Variants in LSM14A observed in about 807,000 individuals in gnomAD.
LSM14A encodes the protein LSM14A mRNA processing body assembly factor.
Under a neutral mutation model 52.4 loss-of-function variants are expected in LSM14A, and 14 were observed. The ratio of observed to expected loss-of-function variants is 0.27; its 90% CI spans 0.18 to 0.42. The LOEUF is 0.42. LSM14A is among the 10% of genes least tolerant of loss of function. The pLI is 1.00. For missense variants in LSM14A, 417 were observed against 581.8 expected (o/e 0.72, Z 2.91); for synonymous variants, 185 against 200.3 (o/e 0.92, Z 0.64).
intron 4 of LSM14A, among the ~76,000 whole-genome samples, chr19:34,209,534 T>A: frequency 6.6e-6 from 1 of 152,216 alleles, no homozygotes; most frequent in East Asian, 1.9e-4. Context: ...CTGAGACTTA[T>A]ACATCAGAAT....
chr19:34,219,742 G>T lies in LSM14A; in HGVS notation c.1001G>T (p.Gly334Val), dbSNP rs1302778126. Residue 334 changes from glycine to valine, a missense_variant, in exon 8 of 10, where the codon GGT (glycine) becomes GTT (valine). By Grantham distance (109) the Gly-to-Val change is moderately radical (BLOSUM62 -3). Coordinates refer to ENST00000544216, the MANE Select transcript of LSM14A (RefSeq NM_015578.4). The part of the protein sequence containing the change: ...KLEKQEKPVN[G>V]EDKGDSGVDT... Reference sequence around the variant, plus strand: ...GAGAAACAGGAGAAGCCTGTAAATGGTGAAGATAAAGGAGACTCAGGAGTT... The same window carrying T: ...GAGAAACAGGAGAAGCCTGTAAATGTTGAAGATAAAGGAGACTCAGGAGTT... The T allele has an allele frequency of 1.2e-6, 2 of 1,613,420 alleles. No individual in the cohort carries two copies.
At chr19:34,208,802 A>T (rs1324674995) in intron 3 of LSM14A, 127 bp from the exon 4 acceptor site, 1 of 667,718 alleles carries the variant, frequency 1.5e-6, no homozygotes. Flanking sequence ...CAAGATTATT[A>T]ATTTGTACAG....
intron 6 of LSM14A, 63 bp from the exon 7 acceptor site, chr19:34,219,328 C>A: frequency 1.8e-6 from 2 of 1,116,674 alleles, no homozygotes; most frequent in Non-Finnish European, 2.6e-6. Context: ...ACAATAGCAA[C>A]ATCTGTGCTA....
At chr19:34,189,601 T>C (rs573297507) in intron 1 of LSM14A, among the ~76,000 whole-genome samples, 3 of 152,314 alleles carry the variant, frequency 2.0e-5, no homozygotes, top group Admixed American at 6.5e-5. Context: ...ACAATGTTCT[T>C]TCTCAAAGTA....
At chr19:34,226,398 T>TTTA (rs2073347401) in intron 9 of LSM14A, 4 of 1,383,588 alleles carry the variant, frequency 2.9e-6, no homozygotes, top group South Asian at 1.6e-5. Flanking sequence ...TTTTTTTTTT[T>TTTA]ACCTTTCAGA....
Position 34,219,848 on chromosome 19 carries a change from C to T in LSM14A, c.1107C>T (p.Phe369=). The T allele has an allele frequency of 6.2e-7, 1 of 1,611,574 alleles. No individual in the cohort carries two copies. Among genetic ancestry groups the T allele is most frequent in the Non-Finnish European group, 8.5e-7 (1 of 1,178,292 alleles). The stretch of plus-strand genomic sequence containing the variant: ...GCTATTATGACAAAACTAAATCCTT[C>T]TTTGATAATATTTCTTGTGATGACA... ...PNCYYDKTKS[F]FDNISCDDNR... Residue 369 remains phenylalanine (F), a synonymous_variant, in exon 8 of 10, where the codon TTC becomes TTT. Coordinates refer to ENST00000544216, the MANE Select transcript of LSM14A (RefSeq NM_015578.4).
At chr19:34,172,820 C>T (rs1016759393) in intron 1 of LSM14A, 57 bp downstream of exon 1, 3 of 1,496,746 alleles carry the variant, frequency 2.0e-6, no homozygotes, top group African/African-American at 2.9e-5. Context: ...CGGGGCTGCT[C>T]CCCGCTCCGG....
rs189104748 is a variant in LSM14A, at chr19:34,206,934, C to T, written c.416-1995C>T. Among the ~76,000 whole-genome samples, 8 of 152,230 alleles carry T rather than the reference C, an allele frequency of 5.3e-5. No homozygotes were observed. The East Asian group carries it at 1.5e-3, about 29-fold the overall frequency. On this transcript the variant is annotated intron_variant, in intron 3 of 9. Coordinates refer to ENST00000544216, the MANE Select transcript of LSM14A (RefSeq NM_015578.4). Reference sequence around the variant, plus strand: ...TTTGAAAATCAGTTGTAACTTACCACGTTAACAGACCAGGAATAAAGAATA... The same window carrying T: ...TTTGAAAATCAGTTGTAACTTACCATGTTAACAGACCAGGAATAAAGAATA...
intron 1 of LSM14A, among the ~76,000 whole-genome samples, chr19:34,178,535 A>G (rs2069241960): frequency 6.6e-6 from 1 of 152,188 alleles, no homozygotes; most frequent in African/African-American, 2.4e-5. Context: ...CTCAGCACTG[A>G]TCATGACTTA....
At chr19:34,190,138 A>G (rs1470831281) in intron 1 of LSM14A, among the ~76,000 whole-genome samples, 2 of 152,018 alleles carry the variant, frequency 1.3e-5, no homozygotes, top group Non-Finnish European at 2.9e-5. Flanking sequence ...TCTACTGTTA[A>G]TGTTCAAGTT....
chr19:34,212,937 A>G (rs1165269542), intron 4 of LSM14A, among the ~76,000 whole-genome samples: 2 of 152,216 alleles, frequency 1.3e-5, no homozygotes, highest in East Asian at 3.8e-4. Context: ...AGATGATTTA[A>G]TGTAGTACCA....
intron 9 of LSM14A, among the ~76,000 whole-genome samples, chr19:34,222,675 T>C (rs2073128318): frequency 6.6e-6 from 1 of 152,206 alleles, no homozygotes; most frequent in Non-Finnish European, 1.5e-5. Flanking sequence ...TTAGTGGCTT[T>C]TGGACCTGCT....
intron 1 of LSM14A, among the ~76,000 whole-genome samples, chr19:34,193,159 T>A (rs576365585): frequency 6.6e-6 from 1 of 152,076 alleles, no homozygotes; most frequent in South Asian, 2.1e-4. Flanking sequence ...GGGGATTTGG[T>A]TATTTTATTT....
chr19:34,214,842 C>T (rs1217020383), intron 4 of LSM14A, among the ~76,000 whole-genome samples: 4 of 148,122 alleles, frequency 2.7e-5, no homozygotes, highest in Non-Finnish European at 4.5e-5. Flanking sequence ...TTGATGTAAA[C>T]TCTTCCACTA....
At chr19:34,176,294 A>G (rs1237848677) in intron 1 of LSM14A, among the ~76,000 whole-genome samples, 1 of 149,996 alleles carries the variant, frequency 6.7e-6, no homozygotes, top group Admixed American at 6.6e-5. Flanking sequence ...TTTTTTTTTT[A>G]ATTTCTCAGG....
At chr19:34,193,253 A>G (rs963971985) in intron 1 of LSM14A, among the ~76,000 whole-genome samples, 4 of 152,204 alleles carry the variant, frequency 2.6e-5, no homozygotes, top group Non-Finnish European at 4.4e-5. Context: ...CCCAGGCTCA[A>G]GCGATCCTCA....
chr19:34,210,859 A>G (rs1380713909), intron 4 of LSM14A, among the ~76,000 whole-genome samples: 1 of 152,002 alleles, frequency 6.6e-6, no homozygotes, highest in Non-Finnish European at 1.5e-5. Context: ...GGCATGAGCC[A>G]CAGTGCCCGG....
chr19:34,187,067 G>C (rs906293983), intron 1 of LSM14A, among the ~76,000 whole-genome samples: 1 of 133,350 alleles, frequency 7.5e-6, no homozygotes, highest in African/African-American at 2.8e-5. Context: ...GTGAAACCCA[G>C]TCTCTAATTT....
intron 1 of LSM14A, among the ~76,000 whole-genome samples, chr19:34,181,354 T>G (rs2069468996): frequency 6.6e-6 from 1 of 152,240 alleles, no homozygotes; most frequent in African/African-American, 2.4e-5. Flanking sequence ...TCCTTCCCTT[T>G]ATAGCGAAAC....
Sources: allele counts gnomAD v4.1 joint callset (sites outside exome capture counted in the v4.1 genomes callset), GRCh38; gene constraint gnomAD v4.1.1; transcripts MANE v1.5; gene names NCBI Gene and HGNC (gene_info 2026-07-23, HGNC 2026-07-21).